Variants in HS6ST3 observed in about 807,000 individuals in gnomAD.
HS6ST3 encodes the protein heparan-sulfate 6-O-sulfotransferase 3.
HS6ST3 carries 12 observed loss-of-function variants against 36.7 expected under a neutral mutation model. The observed-to-expected ratio is 0.33, with a 90% CI of 0.21 to 0.53. The LOEUF (loss-of-function observed/expected upper bound fraction) is 0.53, where lower values mean the gene tolerates loss of function less well. Ranked by LOEUF, HS6ST3 falls within the 20% of genes least tolerant of loss-of-function variation. The pLI, the probability that HS6ST3 is intolerant of heterozygous loss-of-function variation, is 0.95. For missense variants in HS6ST3, 584 were observed against 640.9 expected, an observed-to-expected ratio of 0.91 and a Z score of 0.96; for synonymous variants, 240 against 257.5, an observed-to-expected ratio of 0.93 and a Z score of 0.65.
At chr13:96,778,071 G>A (rs1382532658) in intron 1 of HS6ST3, among the ~76,000 whole-genome samples, 1 of 152,100 alleles carries the variant, frequency 6.6e-6, no homozygotes, top group Admixed American at 6.5e-5. Context: ...CAAACAATGG[G>A]GAAAGGATTC....
At chr13:96,607,578 TG>T (rs769534203) in intron 1 of HS6ST3, among the ~76,000 whole-genome samples, 1 of 152,208 alleles carries the variant, frequency 6.6e-6, no homozygotes, top group Non-Finnish European at 1.5e-5. Context: ...GATGGCCATA[TG>T]AACTGAGAGT....
At chr13:96,615,987 T>C (rs2056473068) in intron 1 of HS6ST3, among the ~76,000 whole-genome samples, 1 of 152,212 alleles carries the variant, frequency 6.6e-6, no homozygotes, top group African/African-American at 2.4e-5. Context: ...AAATAATTAC[T>C]TTCAGATATT....
intron 1 of HS6ST3, among the ~76,000 whole-genome samples, chr13:96,825,990 A>T (rs1359412746): frequency 6.6e-6 from 1 of 152,226 alleles, no homozygotes; most frequent in Non-Finnish European, 1.5e-5. Context: ...TGCCTTACAC[A>T]TAGCGAACCC....
chr13:96,577,327 C>G (rs1016268150), intron 1 of HS6ST3, among the ~76,000 whole-genome samples: 4 of 152,114 alleles, frequency 2.6e-5, no homozygotes, highest in Non-Finnish European at 4.4e-5. Flanking sequence ...CATCCATGTC[C>G]CTGCAAAGGA....
At chr13:96,306,091 C>T (rs2054911621) in intron 1 of HS6ST3, among the ~76,000 whole-genome samples, 1 of 145,326 alleles carries the variant, frequency 6.9e-6, no homozygotes, top group Non-Finnish European at 1.5e-5. Context: ...ACCACCATGC[C>T]CAGCTTTTCT....
rs1347927152 is a variant in HS6ST3, at chr13:96,090,806, C to G, written c.-57C>G. 1.4e-5 allele frequency: 20 copies of G among 1,406,972 alleles called. No individual in the cohort carries two copies. The highest frequency in any genetic ancestry group is 2.0e-4 in the Middle Eastern group (1 of 4,930). 87.2% of individuals were successfully genotyped at this position (1,406,972 alleles called of 1,614,324 possible). On this transcript the variant is annotated 5_prime_UTR_variant, in exon 1 of 2. Coordinates refer to ENST00000376705, the MANE Select transcript of HS6ST3 (RefSeq NM_153456.4). ...TCCGCGAAACTTCCGAGCGGGCGCCCGTCCGCCCTGCCGCCGCCGCCGCCG... is the reference window on the plus strand; with the variant it reads ...TCCGCGAAACTTCCGAGCGGGCGCCGGTCCGCCCTGCCGCCGCCGCCGCCG...
At chr13:96,221,119 A>G (rs1259052731) in intron 1 of HS6ST3, among the ~76,000 whole-genome samples, 2 of 152,192 alleles carry the variant, frequency 1.3e-5, no homozygotes, top group African/African-American at 4.8e-5. Flanking sequence ...AACGAAAACA[A>G]AAGAAAACCT....
chr13:96,629,185 C>T (rs1164371737), intron 1 of HS6ST3, among the ~76,000 whole-genome samples: 1 of 152,102 alleles, frequency 6.6e-6, no homozygotes, highest in Admixed American at 6.6e-5. Context: ...GTTCCAAAGA[C>T]CTTAGAATGT....
intron 1 of HS6ST3, among the ~76,000 whole-genome samples, chr13:96,542,065 A>C (rs1358535593): frequency 6.6e-6 from 1 of 152,182 alleles, no homozygotes; most frequent in East Asian, 1.9e-4. Context: ...CAGATCTGAA[A>C]CCTTTTTGAT....
At chr13:96,144,103 A>G (rs1046281568) in intron 1 of HS6ST3, among the ~76,000 whole-genome samples, 1 of 152,186 alleles carries the variant, frequency 6.6e-6, no homozygotes, top group African/African-American at 2.4e-5. Context: ...TTGCTTAACC[A>G]TATGATTTTG....
chr13:96,100,645 A>T (rs749253245), intron 1 of HS6ST3, among the ~76,000 whole-genome samples: 4 of 152,176 alleles, frequency 2.6e-5, no homozygotes, highest in South Asian at 2.1e-4. Flanking sequence ...AGCAGAGGCC[A>T]AGAGAAAGGA....
chr13:96,564,511 T>A (rs544648594), intron 1 of HS6ST3, among the ~76,000 whole-genome samples: 34 of 152,068 alleles, frequency 2.2e-4, no homozygotes, highest in Non-Finnish European at 4.9e-4. Context: ...CTGAAGAAAT[T>A]CCCTATTTGA....
intron 1 of HS6ST3, among the ~76,000 whole-genome samples, chr13:96,162,354 G>A (rs1357993818): frequency 1.3e-5 from 2 of 152,220 alleles, no homozygotes; most frequent in African/African-American, 2.4e-5. Context: ...TAGATATCAA[G>A]TGTGAAAATG....
At chr13:96,328,390 AG>A (rs1234038627) in intron 1 of HS6ST3, among the ~76,000 whole-genome samples, 3 of 151,984 alleles carry the variant, frequency 2.0e-5, no homozygotes, top group South Asian at 2.1e-4. Flanking sequence ...TTTAGCATGA[AG>A]GGTTGTTGAA....
At chr13:96,649,601 A>G (rs975025878) in intron 1 of HS6ST3, among the ~76,000 whole-genome samples, 1 of 152,044 alleles carries the variant, frequency 6.6e-6, no homozygotes, top group South Asian at 2.1e-4. Flanking sequence ...TGCTTCTACC[A>G]TCAAGATGCC....
intron 1 of HS6ST3, among the ~76,000 whole-genome samples, chr13:96,300,635 T>G (rs1287613709): frequency 2.0e-5 from 3 of 152,180 alleles, no homozygotes; most frequent in African/African-American, 7.2e-5. Context: ...TATTAATCAT[T>G]TATCTGGCTT....
At chr13:96,219,630 G>A (rs1360903993) in intron 1 of HS6ST3, among the ~76,000 whole-genome samples, 1 of 152,078 alleles carries the variant, frequency 6.6e-6, no homozygotes, top group East Asian at 1.9e-4. Flanking sequence ...GTTGATAAAA[G>A]TGTGGACGAT....
intron 1 of HS6ST3, among the ~76,000 whole-genome samples, chr13:96,727,986 G>A (rs894395765): frequency 2.0e-5 from 3 of 152,030 alleles, no homozygotes; most frequent in African/African-American, 7.2e-5. Context: ...AACCCTTTTA[G>A]TCCTCATCGT....
chr13:96,300,241 G>T (rs1452050467), intron 1 of HS6ST3, among the ~76,000 whole-genome samples: 2 of 151,618 alleles, frequency 1.3e-5, no homozygotes, highest in African/African-American at 4.8e-5. Context: ...ATTTTTAGTA[G>T]AGATGGAGTT....
Sources: allele counts gnomAD v4.1 joint callset (sites outside exome capture counted in the v4.1 genomes callset), GRCh38; gene constraint gnomAD v4.1.1; transcripts MANE v1.5; gene names NCBI Gene and HGNC (gene_info 2026-07-23, HGNC 2026-07-21).